CADPS2: variants seen among roughly 807,000 people sequenced by gnomAD.
CADPS2 encodes calcium-dependent secretion activator 2.
Under a neutral mutation model 172.5 loss-of-function variants are expected in CADPS2, and 93 were observed. The ratio of observed to expected loss-of-function variants is 0.54; its 90% CI spans 0.46 to 0.64. The LOEUF (loss-of-function observed/expected upper bound fraction) is 0.64, where lower values mean the gene tolerates loss of function less well. Among genes scored for constraint, CADPS2 ranks in the 30% least tolerant of loss-of-function variants. CADPS2 has a pLI of 0.00. For synonymous variants in CADPS2, 546 were observed against 555.2 expected (o/e 0.98, Z 0.23); for missense variants, 1,420 against 1,565.9 (o/e 0.91, Z 1.57).
chr7:122,486,066 C>T (rs1023084410), intron 11 of CADPS2, among the ~76,000 whole-genome samples: 6 of 152,074 alleles, frequency 3.9e-5, no homozygotes, highest in African/African-American at 9.7e-5. Context: ...ACTGACATAG[C>T]ATCTAGTTGC....
At chr7:122,766,060 C>T (rs1231868309) in intron 1 of CADPS2, among the ~76,000 whole-genome samples, 1 of 152,050 alleles carries the variant, frequency 6.6e-6, no homozygotes, top group Admixed American at 6.6e-5. Flanking sequence ...GTGAGGGTCT[C>T]ATGCTGCTTC....
chr7:122,851,436 A>G (rs115565881), intron 1 of CADPS2, among the ~76,000 whole-genome samples: 2 of 152,284 alleles, frequency 1.3e-5, no homozygotes, highest in African/African-American at 4.8e-5. Flanking sequence ...TCAGCTATCA[A>G]TTATGCTTCC....
At chr7:122,324,515 G>C (rs1585011454) in intron 29 of CADPS2, among the ~76,000 whole-genome samples, 1 of 152,066 alleles carries the variant, frequency 6.6e-6, no homozygotes, top group East Asian at 1.9e-4. Context: ...GTAGGTCTGG[G>C]GTGGGGCCCA....
chr7:122,821,472 A>T (rs1290560004), intron 1 of CADPS2, among the ~76,000 whole-genome samples: 3 of 152,148 alleles, frequency 2.0e-5, no homozygotes, highest in African/African-American at 7.2e-5. Flanking sequence ...AGGACTGGCA[A>T]ATTAGCTTTA....
intron 1 of CADPS2, among the ~76,000 whole-genome samples, chr7:122,738,246 T>C (rs1429642442): frequency 6.6e-6 from 1 of 152,084 alleles, no homozygotes; most frequent in African/African-American, 2.4e-5. Context: ...ATAAGGAGCT[T>C]CTTAGTAAAA....
Position 122,451,461 on chromosome 7 carries a change from C to T in CADPS2, c.2201G>A (p.Gly734Glu). 1.3e-6 allele frequency: 2 copies of T among 1,571,408 alleles called. No individual in the cohort carries two copies. Among genetic ancestry groups the T allele is most frequent in the Non-Finnish European group, 1.7e-6 (2 of 1,158,036 alleles). The change falls in exon 15 of 30, where the codon GGG (glycine) becomes GAG (glutamate). Residue 734 changes from glycine (G) to glutamate (E), a missense_variant. Physicochemically the swap from Gly to Glu is moderately conservative, Grantham distance 98 (BLOSUM62 -2). Coordinates refer to ENST00000449022, the MANE Select transcript of CADPS2 (RefSeq NM_017954.11). ...HVHGNRPDGI[G>E]TVSVEEKERF... ...TTCTTTTTCTTCCACTGAAACAGTC[C>T]CAATTCCATCAGGCCTGAAAAAAAA...
At chr7:122,695,660 A>G (rs578146223) in intron 2 of CADPS2, among the ~76,000 whole-genome samples, 1 of 152,312 alleles carries the variant, frequency 6.6e-6, no homozygotes, top group South Asian at 2.1e-4. Flanking sequence ...CTCCAAATAT[A>G]GATTCTAACC....
intron 6 of CADPS2, among the ~76,000 whole-genome samples, chr7:122,607,244 G>C (rs1220688326): frequency 6.6e-6 from 1 of 152,100 alleles, no homozygotes. Flanking sequence ...GGTTTAAACT[G>C]TTCTGAAAAA....
At chr7:122,857,910 A>C (rs2141232024) in intron 1 of CADPS2, among the ~76,000 whole-genome samples, 1 of 152,288 alleles carries the variant, frequency 6.6e-6, no homozygotes, top group East Asian at 1.9e-4. Context: ...TGCTGACTTC[A>C]AGAATGAAGC....
At position 122,416,096 on chromosome 7, in the gene CADPS2, C is replaced by T. The variant is rs753630371; in HGVS notation, c.2545G>A (p.Glu849Lys). Residue 849 changes from glutamate (E) to lysine (K), a missense_variant, in exon 18 of 30, where the codon GAA becomes AAA. Glu to Lys is a moderately conservative substitution (Grantham distance 56, BLOSUM62 1). Transcript: ENST00000449022. ...EILHLAELCI[E>K]VLQQNEEHHA... is the part of the protein sequence containing the mutation. ...TGCTCTTCATTCTGCTGTAAGACTT[C>T]TATGCAGAGCTCTGCCAGATGAAGA... 1.9e-6 allele frequency: 3 copies of T among 1,550,788 alleles called. No homozygotes were observed. The highest frequency in any genetic ancestry group is 2.4e-5 in the South Asian group (2 of 84,312).
chr7:122,751,443 A>G (rs1435480424), intron 1 of CADPS2, among the ~76,000 whole-genome samples: 1 of 152,166 alleles, frequency 6.6e-6, no homozygotes, highest in Non-Finnish European at 1.5e-5. Context: ...TGGAAACTGA[A>G]AGCTTGATCT....
At chr7:122,668,262 G>A (rs1056014773) in intron 2 of CADPS2, among the ~76,000 whole-genome samples, 2 of 151,912 alleles carry the variant, frequency 1.3e-5, no homozygotes, top group Admixed American at 6.6e-5. Flanking sequence ...TTACTGGGGT[G>A]TCTAGATTCC....
chr7:122,369,134 C>T (rs1199722969), intron 25 of CADPS2, among the ~76,000 whole-genome samples: 3 of 92,122 alleles, frequency 3.3e-5, no homozygotes, highest in African/African-American at 8.5e-5. Context: ...GTTTCCCCCC[C>T]CCCCCCCCTT....
intron 3 of CADPS2, among the ~76,000 whole-genome samples, chr7:122,629,573 A>G (rs1175567870): frequency 6.6e-6 from 1 of 152,170 alleles, no homozygotes; most frequent in African/African-American, 2.4e-5. Flanking sequence ...TCAAGAAATT[A>G]GATTTCTTGA....
At position 122,625,583 on chromosome 7, in the gene CADPS2, T is replaced by A. The variant is rs528387227; in HGVS notation, c.867+3665A>T. Among the ~76,000 whole-genome samples the A allele has an allele frequency of 2.0e-5, 3 of 152,232 alleles. No individual in the cohort carries two copies. The South Asian group carries it at 6.2e-4, about 32-fold the overall frequency. ...AGAAGCAGCAATTTTGCCTCAAGACTAAAACACAGAAACCCTGTCTGAGTT... is the reference window on the plus strand; with the variant it reads ...AGAAGCAGCAATTTTGCCTCAAGACAAAAACACAGAAACCCTGTCTGAGTT... On this transcript the variant is annotated intron_variant, in intron 4 of 29. Coordinates refer to ENST00000449022, the MANE Select transcript of CADPS2 (RefSeq NM_017954.11).
chr7:122,397,501 C>T (rs758538986), intron 20 of CADPS2, among the ~76,000 whole-genome samples: 5 of 151,244 alleles, frequency 3.3e-5, no homozygotes, highest in African/African-American at 1.2e-4. Flanking sequence ...AAGAGAAATA[C>T]ACAAAGAGGG....
intron 1 of CADPS2, among the ~76,000 whole-genome samples, chr7:122,784,481 A>T (rs1292152986): frequency 6.6e-6 from 1 of 152,292 alleles, no homozygotes; most frequent in South Asian, 2.1e-4. Context: ...TTACTGTTTG[A>T]TTCACATCTA....
chr7:122,704,746 A>G (rs903605655), intron 2 of CADPS2, among the ~76,000 whole-genome samples: 10 of 152,020 alleles, frequency 6.6e-5, no homozygotes, highest in African/African-American at 2.4e-4. Context: ...ACCTATAAGA[A>G]ACAATCATCT....
intron 1 of CADPS2, among the ~76,000 whole-genome samples, chr7:122,766,028 T>TA (rs1240998661): frequency 6.6e-6 from 1 of 152,096 alleles, no homozygotes; most frequent in East Asian, 1.9e-4. Context: ...TTGGGAAATC[T>TA]AAGATTTGGG....
Sources: gnomAD v4.1 joint callset for allele counts (sites outside exome capture counted in the v4.1 genomes callset) on GRCh38, gnomAD v4.1.1 for gene constraint, MANE v1.5 for transcripts, NCBI Gene and HGNC (gene_info 2026-07-23, HGNC 2026-07-21) for gene names.